Variants in KLRG1 observed in about 807,000 individuals in gnomAD.
The protein encoded by KLRG1 is killer cell lectin like receptor G1, also known as killer cell lectin-like receptor subfamily G member 1.
A neutral mutation model predicts 21.8 loss-of-function variants in KLRG1; 16 were observed. The observed-to-expected ratio is 0.73, with a 90% CI of 0.50 to 1.11. The LOEUF is 1.11. Ranked by LOEUF, KLRG1 falls within the 50% of genes most tolerant of loss-of-function variation. The pLI is 0.00. For missense variants in KLRG1, 173 were observed against 218.3 expected (o/e 0.79, Z 1.31); for synonymous variants, 69 against 75.9 (o/e 0.91, Z 0.47).
chr12:8,953,239 T>C (rs10129061), intron 1 of KLRG1, among the ~76,000 whole-genome samples: 122,324 of 152,150 alleles, frequency 0.8, 49,599 homozygotes, highest in Admixed American at 0.84. Flanking sequence ...AGAGGGGATG[T>C]GGTAGGTGGA....
Position 8,951,046 on chromosome 12 carries a change from T to A in KLRG1, c.-156+810T>A, listed in dbSNP as rs761162815. ...GATGTTGCCCCAATAAAAAAAAAAA[T>A]TAAATTTTTTTCTTCCTGAAAATGA... is the stretch of plus-strand genomic sequence containing the variant. On this transcript the variant is annotated intron_variant, in intron 1 of 4. Coordinates refer to the KLRG1 transcript ENST00000539240. Among the ~76,000 whole-genome samples, 11 of 152,110 alleles carry A rather than the reference T, an allele frequency of 7.2e-5. 1 individual carries two copies. In the South Asian group the frequency reaches 2.1e-3, roughly 29 times the overall value.
chr12:9,138,076 G>T, the KLRG1 span, among the ~76,000 whole-genome samples: 1 of 151,976 alleles, frequency 6.6e-6, no homozygotes, highest in Non-Finnish European at 1.5e-5. Flanking sequence ...TGGCAAGAGT[G>T]GGCATCATTG....
At chr12:9,146,633 T>C in the KLRG1 span, among the ~76,000 whole-genome samples, 1 of 140,614 alleles carries the variant, frequency 7.1e-6, no homozygotes, top group Admixed American at 7.4e-5. Flanking sequence ...CTTCACAGAC[T>C]AGTCTTGTAT....
At chr12:9,070,253 T>C in the KLRG1 span, among the ~76,000 whole-genome samples, 1 of 152,220 alleles carries the variant, frequency 6.6e-6, no homozygotes, top group African/African-American at 2.4e-5. Context: ...TAAGAAGAAA[T>C]TGAAAAGCAG....
At chr12:9,042,752 C>A in the KLRG1 span, among the ~76,000 whole-genome samples, 2 of 150,684 alleles carry the variant, frequency 1.3e-5, no homozygotes, top group Non-Finnish European at 2.9e-5. Flanking sequence ...TAAAAAGAGG[C>A]CTCTGAGTCT....
the KLRG1 span, chr12:9,109,772 G>A: frequency 4.0e-6 from 5 of 1,252,128 alleles, no homozygotes; most frequent in African/African-American, 1.5e-5. Flanking sequence ...TGTCACCCAT[G>A]GGAAATGGAA....
the KLRG1 span, among the ~76,000 whole-genome samples, chr12:9,150,118 T>A: frequency 6.6e-6 from 1 of 152,334 alleles, no homozygotes; most frequent in Admixed American, 6.5e-5. Context: ...TTGTCACTAA[T>A]AGTCTTTCCT....
chr12:9,009,017 G>A lies in KLRG1; in HGVS notation c.400G>A (p.Gly134Ser). 2 of 1,613,804 alleles carry A rather than the reference G, an allele frequency of 1.2e-6. No homozygotes were observed. Among genetic ancestry groups the A allele is most frequent in the Non-Finnish European group, 1.7e-6 (2 of 1,179,910 alleles). Residue 134 changes from glycine (G) to serine (S), a missense_variant, in exon 4 of 5, where the codon GGT becomes AGT. This residue lies in a region of KLRG1 where 144 missense variants were observed against 161.5 expected (regional missense o/e 0.89). Coordinates refer to ENST00000356986, the MANE Select transcript of KLRG1 (RefSeq NM_005810.4). ...CCTCAGTGAGGCCTTTTGCTGGATT[G>A]GTCTGAGGAACAATTCTGGCTGGAG... ...VFLSEAFCWIGLRNNSGWRWE... is the reference protein window; with the variant it reads ...VFLSEAFCWISLRNNSGWRWE...
At chr12:9,049,264 A>G in the KLRG1 span, among the ~76,000 whole-genome samples, 16,129 of 152,020 alleles carry the variant, frequency 0.11, 1,266 homozygotes, top group African/African-American at 0.22. Flanking sequence ...CTCTGGGCCC[A>G]CAATGTGGCC....
At chr12:9,018,111 A>G in the KLRG1 span, among the ~76,000 whole-genome samples, 1 of 152,358 alleles carries the variant, frequency 6.6e-6, no homozygotes, top group East Asian at 1.9e-4. Context: ...ATTGAAGCGA[A>G]CACAAAAACA....
At chr12:9,067,961 C>G in the KLRG1 span, 26 of 1,060,658 alleles carry the variant, frequency 2.5e-5, no homozygotes, top group Non-Finnish European at 3.3e-5. Flanking sequence ...AGTGGGAAAC[C>G]AAATCTATTC....
the KLRG1 span, chr12:9,155,927 C>G: frequency 6.2e-6 from 1 of 160,728 alleles, no homozygotes; most frequent in East Asian, 1.9e-4. Flanking sequence ...TGGAGTCACA[C>G]CATCCTCATG....
upstream of KLRG1, among the ~76,000 whole-genome samples, chr12:8,986,056 G>T (rs1946837983): frequency 6.6e-6 from 1 of 152,184 alleles, no homozygotes; most frequent in South Asian, 2.1e-4. Flanking sequence ...GGGACCATAG[G>T]AGTTAGGAGC....
chr12:9,187,478 A>G, the KLRG1 span, among the ~76,000 whole-genome samples: 1 of 152,208 alleles, frequency 6.6e-6, no homozygotes, highest in Non-Finnish European at 1.5e-5. Flanking sequence ...CATACACTCC[A>G]CACTCTCGGA....
chr12:8,990,043 A>G (rs778231718), intron 1 of KLRG1, among the ~76,000 whole-genome samples: 1 of 152,256 alleles, frequency 6.6e-6, no homozygotes. Context: ...CTCTTTAGTT[A>G]TATTCGGAGT....
At chr12:9,043,076 CTTTT>C in the KLRG1 span, among the ~76,000 whole-genome samples, 1 of 131,184 alleles carries the variant, frequency 7.6e-6, no homozygotes, top group Non-Finnish European at 1.6e-5. Flanking sequence ...TGGCAGATAT[CTTTT>C]TTTTTTTTTT....
At chr12:9,175,768 C>T in the KLRG1 span, among the ~76,000 whole-genome samples, 4 of 152,192 alleles carry the variant, frequency 2.6e-5, no homozygotes, top group African/African-American at 4.8e-5. Flanking sequence ...TACCATCTCA[C>T]ACCAGTCAGA....
rs775026184 is a variant in KLRG1, at chr12:9,004,153, A to G, written c.358-4822A>G. On this transcript the variant is annotated intron_variant, in intron 3 of 4. Transcript: ENST00000356986. ...AGTCTTTGCTATTGTGAATAGTGCC[A>G]CAATAAACACACGTGTGCATGTGTC... is the stretch of plus-strand genomic sequence containing the variant. 2.2e-4 allele frequency among the ~76,000 whole-genome samples: 33 copies of G among 152,246 alleles called. No homozygotes were observed. In the East Asian group the frequency reaches 5.6e-3, roughly 26 times the overall value.
At chr12:9,132,388 C>T in the KLRG1 span, among the ~76,000 whole-genome samples, 2 of 152,170 alleles carry the variant, frequency 1.3e-5, no homozygotes, top group African/African-American at 2.4e-5. Flanking sequence ...AAGTCATCTG[C>T]AAGTACAGAA....
Sources: gnomAD v4.1 joint callset for allele counts (sites outside exome capture counted in the v4.1 genomes callset) on GRCh38, gnomAD v4.1.1 for gene constraint, gnomAD v4.1.1 regional missense constraint, MANE v1.5 for transcripts, NCBI Gene and HGNC (gene_info 2026-07-23, HGNC 2026-07-21) for gene names.